The following STARD3 variants were observed in gnomAD, a reference collection of about 807,000 sequenced individuals.
The protein encoded by STARD3 is StAR related lipid transfer domain containing 3.
In STARD3, 39 loss-of-function variants were observed where a neutral mutation model predicts 62.0. The observed-to-expected ratio is 0.63, with a 90% confidence interval of 0.49 to 0.82. The LOEUF is 0.82. Among genes scored for constraint, STARD3 ranks in the 40% least tolerant of loss-of-function variants. The pLI is 0.00. For missense variants in STARD3, 543 were observed against 584.5 expected, an observed-to-expected ratio of 0.93 and a Z score of 0.73; for synonymous variants, 229 against 242.4, an observed-to-expected ratio of 0.94 and a Z score of 0.51.
Position 39,660,841 on chromosome 17 carries a change from TCTC to T in STARD3, c.989_991del (p.Ser330del). Reference sequence around the variant, plus strand: ...CAGCGAGTGGAAGACAACACCCTCATCTCCTATGACGTGTCTGCAGGGGCTGCG... The same window carrying T: ...CAGCGAGTGGAAGACAACACCCTCATCTATGACGTGTCTGCAGGGGCTGCG... On this transcript the variant is annotated inframe_deletion, in exon 12 of 15. Transcript: ENST00000336308. This position sits in a 1 kb window ranked among gnomAD's most constrained non-coding sequence, Gnocchi z 4.8. 1.3e-6 allele frequency: 2 copies of T among 1,596,268 alleles called. No individual in the cohort carries two copies. Among genetic ancestry groups the T allele is most frequent in the Non-Finnish European group, 1.7e-6 (2 of 1,169,984 alleles).
At chr17:39,662,746 A>G in intron 14 of STARD3, 58 bp from the exon 15 acceptor site, 1 of 1,495,414 alleles carries the variant, frequency 6.7e-7, no homozygotes, top group South Asian at 1.2e-5. Context: ...GCCAGCTGCA[A>G]GGGGAGACCC....
At chr17:39,638,781 G>A (rs1255364508) in intron 1 of STARD3, among the ~76,000 whole-genome samples, 1 of 152,230 alleles carries the variant, frequency 6.6e-6, no homozygotes, top group Non-Finnish European at 1.5e-5. Flanking sequence ...ATAGAGTTGT[G>A]AGGATTGAAT....
At chr17:39,642,339 A>G (rs2056989208) in intron 1 of STARD3, among the ~76,000 whole-genome samples, 1 of 152,162 alleles carries the variant, frequency 6.6e-6, no homozygotes, top group Non-Finnish European at 1.5e-5. Flanking sequence ...CCCCCAGGAA[A>G]CCAGTTCCTC....
rs929427176 is a variant in STARD3, at chr17:39,653,559, C to G, written c.28C>G (p.Arg10Gly). The change falls in exon 2 of 15, where the codon CGA becomes GGA. Residue 10 changes from arginine to glycine, a missense_variant. Transcript: ENST00000336308. ...GAGCAAGCTGCCCAGGGAGCTGACC[C>G]GAGACTTGGAGCGCAGCCTGCCTGC... is the stretch of plus-strand genomic sequence containing the variant. MSKLPRELT[R>G]DLERSLPAVA... 5.0e-6 allele frequency: 8 copies of G among 1,606,416 alleles called. No individual in the cohort carries two copies. Among genetic ancestry groups the G allele is most frequent in the East Asian group, 2.2e-5 (1 of 44,890 alleles).
Position 39,660,384 on chromosome 17 carries a change from G to T in STARD3, c.859-47G>T. On this transcript the variant is annotated intron_variant, in intron 10 of 14. Transcript: ENST00000336308. The surrounding 1 kb of genome is among the most constrained non-coding windows in gnomAD (Gnocchi z 4.8). ...CCCACCAAGAGGGAAGGGTTGGTCT[G>T]CCCGAGCCCATCTGGCACCACCCAG... The T allele has an allele frequency of 6.2e-7, 1 of 1,611,936 alleles. No individual in the cohort carries two copies. Among genetic ancestry groups the T allele is most frequent in the Non-Finnish European group, 8.5e-7 (1 of 1,178,806 alleles).
intron 1 of STARD3, among the ~76,000 whole-genome samples, chr17:39,641,218 G>A (rs1318494376): frequency 6.6e-6 from 1 of 152,006 alleles, no homozygotes; most frequent in Non-Finnish European, 1.5e-5. Flanking sequence ...CCACAGACTA[G>A]CTAACTTACT....
chr17:39,658,576 A>T, intron 6 of STARD3, 54 bp downstream of exon 6: 1 of 1,581,550 alleles, frequency 6.3e-7, no homozygotes, highest in South Asian at 1.1e-5. Flanking sequence ...GCCCCAAGAG[A>T]GGGGAGTTGC....
intron 14 of STARD3, 152 bp from the exon 15 acceptor site, chr17:39,662,651 TC>T (rs1369912555): frequency 9.6e-6 from 7 of 727,924 alleles, no homozygotes; most frequent in African/African-American, 7.1e-5. Flanking sequence ...AGCATGTTCT[TC>T]CTGCCAGGGG....
chr17:39,658,917 C>A lies in STARD3; in HGVS notation c.646+97C>A, dbSNP rs1228039874. ...TCTTTCTATTCCTTCTATCAGGCTC[C>A]CTGGGGAAAGCCAGCAACCCTCTCC... On this transcript the variant is annotated intron_variant, in intron 7 of 14. Transcript: ENST00000336308. The A allele has an allele frequency of 8.3e-6, 13 of 1,565,092 alleles. No individual in the cohort carries two copies. The South Asian group carries it at 1.5e-4, about 18-fold the overall frequency.
intron 1 of STARD3, among the ~76,000 whole-genome samples, chr17:39,652,224 G>T (rs1353608022): frequency 1.3e-5 from 2 of 152,156 alleles, no homozygotes; most frequent in Non-Finnish European, 2.9e-5. Context: ...TTTAGGGTTT[G>T]CCCTGTTCCT....
rs2145040743 is a variant in STARD3 at position 39,660,626 on chromosome 17, C to T, written c.954+100C>T. On this transcript the variant is annotated intron_variant, in intron 11 of 14. Coordinates refer to ENST00000336308, the MANE Select transcript of STARD3 (RefSeq NM_006804.4). This position sits in a 1 kb window ranked among gnomAD's most constrained non-coding sequence, Gnocchi z 4.8. ...CAGCGCCTCAGCTGCCCCATCTGTACAGTGGGTGTGATGGTAACAGTGCCT... is the reference window on the plus strand; with the variant it reads ...CAGCGCCTCAGCTGCCCCATCTGTATAGTGGGTGTGATGGTAACAGTGCCT... The T allele has an allele frequency of 7.0e-7, 1 of 1,428,120 alleles. No individual in the cohort carries two copies. Among genetic ancestry groups the T allele is most frequent in the East Asian group, 2.3e-5 (1 of 43,776 alleles). 88.5% of individuals were successfully genotyped at this position (1,428,120 alleles called of 1,614,324 possible).
At chr17:39,652,528 C>G (rs1413400979) in intron 1 of STARD3, 1 of 150,606 alleles carries the variant, frequency 6.6e-6, no homozygotes, top group African/African-American at 2.5e-5. Flanking sequence ...GGGTGGGAGG[C>G]TTTCTGAGGA....
intron 1 of STARD3, among the ~76,000 whole-genome samples, chr17:39,641,286 A>G (rs2056980933): frequency 6.6e-6 from 1 of 152,146 alleles, no homozygotes; most frequent in South Asian, 2.1e-4. Context: ...GGCTTAGGAC[A>G]GATGGCCTTG....
chr17:39,640,829 G>A (rs1309886056), intron 1 of STARD3, among the ~76,000 whole-genome samples: 1 of 152,196 alleles, frequency 6.6e-6, no homozygotes, highest in Non-Finnish European at 1.5e-5. Flanking sequence ...GGGGGGAGAA[G>A]TGTGTGGTGG....
intron 1 of STARD3, among the ~76,000 whole-genome samples, chr17:39,641,650 T>C (rs1282634365): frequency 2.0e-5 from 3 of 152,218 alleles, no homozygotes; most frequent in Non-Finnish European, 4.4e-5. Flanking sequence ...ACACTGTGCA[T>C]GTGTTGTTTC....
At position 39,662,541 on chromosome 17, in the gene STARD3, C is replaced by G. The variant is rs546809652; in HGVS notation, c.1233+197C>G. The G allele has an allele frequency of 9.3e-6, 6 of 643,868 alleles. No individual in the cohort carries two copies. The East Asian group carries it at 1.1e-4, about 12-fold the overall frequency. 39.9% of individuals were successfully genotyped at this position (643,868 alleles called of 1,614,324 possible). A position where few individuals can be genotyped will look rare whatever the true frequency, so the allele number is the denominator to read the frequency against. Reference sequence around the variant, plus strand: ...GGTTGCTGTAGGGCATGTGCCCCCCCTTCTTACCTCTGAGTCCTGAGGCCC... The same window carrying G: ...GGTTGCTGTAGGGCATGTGCCCCCCGTTCTTACCTCTGAGTCCTGAGGCCC... On this transcript the variant is annotated intron_variant, in intron 14 of 14. Transcript: ENST00000336308.
chr17:39,659,782 C>A, intron 9 of STARD3: 1 of 443,458 alleles, frequency 2.3e-6, no homozygotes, highest in Non-Finnish European at 4.0e-6. Flanking sequence ...CCCTGCTGTT[C>A]TGCCCCCTTG....
chr17:39,642,159 A>G (rs921762673), intron 1 of STARD3, among the ~76,000 whole-genome samples: 1 of 152,258 alleles, frequency 6.6e-6, no homozygotes, highest in Non-Finnish European at 1.5e-5. Context: ...AATGATCAGC[A>G]GAGTAGAGGC....
chr17:39,655,333 A>G (rs963997981), intron 2 of STARD3, among the ~76,000 whole-genome samples: 1 of 150,802 alleles, frequency 6.6e-6, no homozygotes. Flanking sequence ...CCACAGGTGC[A>G]TGACCACATT....
Sources: allele counts gnomAD v4.1 joint callset (sites outside exome capture counted in the v4.1 genomes callset), GRCh38; gene constraint gnomAD v4.1.1; non-coding constraint Gnocchi (gnomAD v3.1); transcripts MANE v1.5; gene names NCBI Gene and HGNC (gene_info 2026-07-23, HGNC 2026-07-21).